JPH2: variants seen among roughly 807,000 people sequenced by gnomAD.
JPH2 encodes junctophilin-2.
Under a neutral mutation model 55.9 loss-of-function variants are expected in JPH2, and 38 were observed. That is an observed-to-expected ratio of 0.68 (90% CI 0.52 to 0.89). The LOEUF (loss-of-function observed/expected upper bound fraction) is 0.89, where lower values mean the gene tolerates loss of function less well. Among genes scored for constraint, JPH2 ranks in the 40% least tolerant of loss-of-function variants. The pLI is 0.00. For synonymous variants in JPH2, 480 were observed against 472.4 expected, an observed-to-expected ratio of 1.02 and a Z score of -0.21; for missense variants, 964 against 1,037.6, an observed-to-expected ratio of 0.93 and a Z score of 0.97.
At position 44,115,849 on chromosome 20, in the gene JPH2, A is replaced by G. The variant is rs556546220; in HGVS notation, c.1826T>C (p.Leu609Pro). 1.0e-5 allele frequency: 16 copies of G among 1,592,450 alleles called. No homozygotes were observed. The Admixed American group carries it at 2.0e-4, about 20-fold the overall frequency. Residue 609 changes from leucine to proline, a missense_variant, in exon 4 of 6, where the codon CTC becomes CCC. Transcript: ENST00000372980. ...CTCGCGTGCAGGCTCGGGGCCTCGGAGCGTGGGGGCCTGCAGCGGGGCGGT... is the reference window on the plus strand; with the variant it reads ...CTCGCGTGCAGGCTCGGGGCCTCGGGGCGTGGGGGCCTGCAGCGGGGCGGT... Reference protein sequence around the residue: ...PATAPLQAPTLRGPEPARETP... With the variant: ...PATAPLQAPTPRGPEPARETP...
intron 1 of JPH2, among the ~76,000 whole-genome samples, chr20:44,171,304 C>T (rs923511466): frequency 6.6e-6 from 1 of 152,172 alleles, no homozygotes; most frequent in Non-Finnish European, 1.5e-5. Flanking sequence ...AGCCCTTCAG[C>T]GTTGCCCAAA....
In JPH2 at chr20:44,115,931, C is replaced by T. The variant is rs758290353; in HGVS notation, c.1744G>A (p.Glu582Lys). ...RTTPPEPPPF[E>K]DQPEPEVSGS... ...GAGACCTCGGGCTCGGGCTGGTCCT[C>T]AAAGGGTGGGGGCTCGGGCGGCGTG... Residue 582 changes from glutamate to lysine, a missense_variant, in exon 4 of 6, where the codon GAG becomes AAG. Physicochemically the swap from Glu to Lys is moderately conservative, Grantham distance 56. Transcript: ENST00000372980. 6.4e-7 allele frequency: 1 copy of T among 1,570,642 alleles called. No individual in the cohort carries two copies. The highest frequency in any genetic ancestry group is 8.6e-7 in the Non-Finnish European group (1 of 1,164,970).
At chr20:44,135,162 C>T (rs78428006) in intron 2 of JPH2, among the ~76,000 whole-genome samples, 3,112 of 151,818 alleles carry the variant, frequency 0.02, 51 homozygotes, top group Non-Finnish European at 0.032. Flanking sequence ...TTCTTATGCC[C>T]CATCTAGTCC....
chr20:44,179,554 TG>T (rs1454108576), intron 1 of JPH2, among the ~76,000 whole-genome samples: 1 of 152,134 alleles, frequency 6.6e-6, no homozygotes, highest in Non-Finnish European at 1.5e-5. Flanking sequence ...GCCAGCTTCA[TG>T]GGTGCTGGAA....
intron 2 of JPH2, among the ~76,000 whole-genome samples, chr20:44,129,063 C>G (rs965495708): frequency 6.6e-6 from 1 of 152,116 alleles, no homozygotes; most frequent in African/African-American, 2.4e-5. Context: ...CAGATTTGTT[C>G]TAGTTGAGGT....
chr20:44,129,570 CAAA>C (rs1286932645), intron 2 of JPH2, among the ~76,000 whole-genome samples: 21,206 of 68,152 alleles, frequency 0.31, 1,812 homozygotes, highest in South Asian at 0.42. Context: ...AAAAAAAAAA[CAAA>C]AAAAACAAAA....
At chr20:44,128,640 T>A (rs1472123302) in intron 2 of JPH2, among the ~76,000 whole-genome samples, 2 of 152,254 alleles carry the variant, frequency 1.3e-5, no homozygotes, top group East Asian at 3.9e-4. Flanking sequence ...AAAATGAGCA[T>A]TTTTAAAAAT....
At position 44,109,341 on chromosome 20, in the gene JPH2, G is replaced by T. The variant is rs2072126442; in HGVS notation, c.*4177C>A. On this transcript the variant is annotated 3_prime_UTR_variant, in exon 6 of 6. Transcript: ENST00000372980. ...ATCTGCTCACACCATGCTGGGAATT[G>T]TTCTAAGTGCTGTGTTCATATTTTC... Among the ~76,000 whole-genome samples, 1 of 152,228 alleles carries T rather than the reference G, an allele frequency of 6.6e-6. No homozygotes were observed. The highest frequency in any genetic ancestry group is 6.5e-5 in the Admixed American group (1 of 15,284).
intron 2 of JPH2, among the ~76,000 whole-genome samples, chr20:44,121,446 C>T (rs2072235368): frequency 6.6e-6 from 1 of 152,126 alleles, no homozygotes; most frequent in African/African-American, 2.4e-5. Flanking sequence ...GGGCTTTTAT[C>T]CCTTACAAAC....
chr20:44,181,626 A>G (rs1343610922), intron 1 of JPH2, among the ~76,000 whole-genome samples: 2 of 152,218 alleles, frequency 1.3e-5, no homozygotes, highest in Admixed American at 6.5e-5. Flanking sequence ...GATAAAATGC[A>G]AGTTTCAGCT....
intron 2 of JPH2, among the ~76,000 whole-genome samples, chr20:44,147,653 C>T (rs749910482): frequency 2.0e-5 from 3 of 152,158 alleles, no homozygotes; most frequent in Admixed American, 1.3e-4. Context: ...TTATTTTGTA[C>T]GTGTATGACC....
At chr20:44,165,693 T>C (rs2072651655) in intron 1 of JPH2, among the ~76,000 whole-genome samples, 1 of 152,168 alleles carries the variant, frequency 6.6e-6, no homozygotes, top group South Asian at 2.1e-4. Flanking sequence ...CACTGCACTC[T>C]AGCCACGAAG....
chr20:44,120,145 T>C (rs2072225251), intron 2 of JPH2, among the ~76,000 whole-genome samples: 1 of 151,970 alleles, frequency 6.6e-6, no homozygotes, highest in South Asian at 2.1e-4. Flanking sequence ...TACACAAGAA[T>C]CCCCACTTCA....
Position 44,159,836 on chromosome 20 carries a change from C to G in JPH2, c.951G>C (p.Glu317Asp). 1.2e-6 allele frequency: 2 copies of G among 1,613,574 alleles called. No homozygotes were observed. The change falls in exon 2 of 6, where the codon GAG (glutamate) becomes GAC (aspartate). Residue 317 changes from glutamate (E) to aspartate (D), a missense_variant. Glu to Asp is a conservative substitution (Grantham distance 45). Coordinates refer to ENST00000372980, the MANE Select transcript of JPH2 (RefSeq NM_020433.5). The surrounding 1 kb of genome is among the most constrained non-coding windows in gnomAD (Gnocchi z 5.7). Reference protein sequence around the residue: ...ERSSGLRYEGEWLDNLRHGYG... With the variant: ...ERSSGLRYEGDWLDNLRHGYG... ...AGCCGTGGCGCAGGTTGTCCAGCCACTCGCCCTCGTAGCGGAGGCCACTGG... is the reference window on the plus strand; with the variant it reads ...AGCCGTGGCGCAGGTTGTCCAGCCAGTCGCCCTCGTAGCGGAGGCCACTGG...
intron 1 of JPH2, among the ~76,000 whole-genome samples, chr20:44,181,808 TGCCCACTCTG>T (rs2072785946): frequency 6.6e-6 from 1 of 152,176 alleles, no homozygotes; most frequent in Non-Finnish European, 1.5e-5. Context: ...TCTGGTCAGC[TGCCCACTCTG>T]GCTTTGTTAC....
intron 2 of JPH2, among the ~76,000 whole-genome samples, chr20:44,142,220 G>T (rs892400539): frequency 7.9e-5 from 12 of 152,176 alleles, no homozygotes; most frequent in African/African-American, 2.9e-4. Context: ...AACTTTCAGG[G>T]ATGAGGAAAA....
chr20:44,177,960 T>C, intron 1 of JPH2: 1 of 1,158,222 alleles, frequency 8.6e-7, no homozygotes, highest in Non-Finnish European at 1.3e-6. Context: ...CTGAGGGCGA[T>C]TTTAACACAT....
At chr20:44,118,644 A>G in intron 2 of JPH2, 21 bp from the exon 3 acceptor site, 1 of 1,582,694 alleles carries the variant, frequency 6.3e-7, no homozygotes, top group Non-Finnish European at 8.6e-7. Context: ...AATGTGGCAG[A>G]AGACTCAGGA....
In JPH2 at chr20:44,114,887, T is replaced by A; in HGVS notation, c.2011-11A>T. 1 of 1,593,180 alleles carries A rather than the reference T, an allele frequency of 6.3e-7. No homozygotes were observed. Among genetic ancestry groups the A allele is most frequent in the Non-Finnish European group, 8.5e-7 (1 of 1,170,182 alleles). On this transcript the variant is annotated splice_polypyrimidine_tract_variant and intron_variant, in intron 4 of 5. Transcript: ENST00000372980. ...GATGGTGTTGGGGACCTGGGAGCAGTGGAGAGAGGCTTCCTGAGTCCCCAT... is the reference window on the plus strand; with the variant it reads ...GATGGTGTTGGGGACCTGGGAGCAGAGGAGAGAGGCTTCCTGAGTCCCCAT...
Sources: gnomAD v4.1 joint callset for allele counts (sites outside exome capture counted in the v4.1 genomes callset) on GRCh38, gnomAD v4.1.1 for gene constraint, Gnocchi (gnomAD v3.1) non-coding constraint, MANE v1.5 for transcripts, NCBI Gene and HGNC (gene_info 2026-07-23, HGNC 2026-07-21) for gene names.